TIAM1: variants seen among roughly 807,000 people sequenced by gnomAD.
TIAM1 encodes TIAM Rac1 associated GEF 1, also known as rho guanine nucleotide exchange factor TIAM1.
In TIAM1, 65 loss-of-function variants were observed where a neutral mutation model predicts 163.5. The observed-to-expected ratio is 0.40, with a 90% CI of 0.33 to 0.49. The LOEUF (loss-of-function observed/expected upper bound fraction) is 0.49, where lower values mean the gene tolerates loss of function less well. Ranked by LOEUF, TIAM1 falls within the 20% of genes least tolerant of loss-of-function variation. The pLI, the probability that TIAM1 is intolerant of heterozygous loss-of-function variation, is 0.77. For missense variants in TIAM1, 1,789 were observed against 2,044.7 expected, an observed-to-expected ratio of 0.87 and a Z score of 2.41; for synonymous variants, 833 against 810.1, an observed-to-expected ratio of 1.03 and a Z score of -0.48.
At chr21:31,368,974 T>A (rs1171228321) in intron 2 of TIAM1, among the ~76,000 whole-genome samples, 1 of 151,834 alleles carries the variant, frequency 6.6e-6, no homozygotes, top group Non-Finnish European at 1.5e-5. Context: ...GCGTGGTGGC[T>A]CACGCCTGTA....
chr21:31,370,082 C>T (rs2076570849), intron 2 of TIAM1, among the ~76,000 whole-genome samples: 1 of 152,184 alleles, frequency 6.6e-6, no homozygotes, highest in South Asian at 2.1e-4. Context: ...GAAGCAGGCC[C>T]TCACCAGGCA....
chr21:31,386,101 T>C (rs1298047170), intron 2 of TIAM1, among the ~76,000 whole-genome samples: 1 of 152,070 alleles, frequency 6.6e-6, no homozygotes, highest in Non-Finnish European at 1.5e-5. Context: ...TGGGGTATGC[T>C]ATGTGGAGGG....
rs1030775893 is a variant in TIAM1, at chr21:31,141,025, A to G, written c.3774+93T>C. 18 of 955,232 alleles carry G rather than the reference A, an allele frequency of 1.9e-5. No individual in the cohort carries two copies. In the Admixed American group the frequency reaches 4.6e-4, roughly 25 times the overall value. 59.2% of individuals were successfully genotyped at this position (955,232 alleles called of 1,614,324 possible). A position where few individuals can be genotyped will look rare whatever the true frequency, so the allele number is the denominator to read the frequency against. On this transcript the variant is annotated intron_variant, in intron 22 of 27. Coordinates refer to ENST00000541036, the MANE Select transcript of TIAM1 (RefSeq NM_001353694.2). This position sits in a 1 kb window ranked among gnomAD's most constrained non-coding sequence, Gnocchi z 4.7. The stretch of plus-strand genomic sequence containing the variant: ...ACAGCATCCTAACTATTTTACTTAC[A>G]AGTAACACCTTTTTAAAAAATAAAT...
At chr21:31,355,911 C>T (rs1052051326) in intron 2 of TIAM1, among the ~76,000 whole-genome samples, 3 of 152,134 alleles carry the variant, frequency 2.0e-5, no homozygotes, top group Non-Finnish European at 4.4e-5. Flanking sequence ...TTTCTTGTTT[C>T]TCTCCTCCAC....
intron 26 of TIAM1, 63 bp downstream of exon 26, chr21:31,127,002 C>T (rs1680847433): frequency 3.9e-6 from 6 of 1,531,154 alleles, no homozygotes; most frequent in Non-Finnish European, 5.4e-6. Context: ...CAACGTAAGA[C>T]ACCAAACCGT....
chr21:31,450,463 C>T (rs1445905344), intron 2 of TIAM1, among the ~76,000 whole-genome samples: 1 of 152,152 alleles, frequency 6.6e-6, no homozygotes, highest in African/African-American at 2.4e-5. Context: ...CAAGGCAGAA[C>T]AGGTGCTTTC....
intron 1 of TIAM1, among the ~76,000 whole-genome samples, chr21:31,537,156 T>A (rs1158289929): frequency 3.3e-5 from 5 of 152,196 alleles, no homozygotes; most frequent in African/African-American, 1.2e-4. Context: ...GGGTCCACTA[T>A]AATCCAGTAG....
chr21:31,245,373 A>T (rs11701273), intron 6 of TIAM1, 115 bp downstream of exon 6: 5,696 of 89,470 alleles, frequency 0.064, 113 homozygotes, highest in South Asian at 0.15. Flanking sequence ...TCTCACCACT[A>T]AAAAAAAAAA....
In TIAM1 at chr21:31,146,902, C is replaced by T. The variant is rs767161106; in HGVS notation, c.3468G>A (p.Leu1156=). The change falls in exon 20 of 28, where the codon CTG becomes CTA. Residue 1156 remains leucine (L), a synonymous_variant. Coordinates refer to ENST00000541036, the MANE Select transcript of TIAM1 (RefSeq NM_001353694.2). ...CASHTKVPKV[L]VKAKTDTAFK... ...CATCCTCAGAGGCCTTACCTTTCAC[C>T]AGGACCTTGGGAACTTTTGTGTGGC... 50 of 1,613,862 alleles carry T rather than the reference C, an allele frequency of 3.1e-5. 1 individual carries two copies. In the South Asian group the frequency reaches 5.3e-4, roughly 17 times the overall value.
At chr21:31,219,303 G>C (rs1019333151) in intron 8 of TIAM1, among the ~76,000 whole-genome samples, 1 of 152,032 alleles carries the variant, frequency 6.6e-6, no homozygotes, top group Admixed American at 6.5e-5. Context: ...CCACCCGCTC[G>C]CCTTTCAAAA....
chr21:31,245,866 C>A (rs1388955818), intron 5 of TIAM1, among the ~76,000 whole-genome samples: 1 of 152,184 alleles, frequency 6.6e-6, no homozygotes, highest in East Asian at 1.9e-4. Context: ...AGCTTCTCAG[C>A]CTGCCCGGGT....
chr21:31,524,484 C>T (rs1235836152), intron 1 of TIAM1, among the ~76,000 whole-genome samples: 5 of 152,182 alleles, frequency 3.3e-5, no homozygotes, highest in Non-Finnish European at 5.9e-5. Flanking sequence ...TTGGAGGGGA[C>T]ATCCAACTAT....
At chr21:31,295,979 A>G (rs994576547) in intron 2 of TIAM1, among the ~76,000 whole-genome samples, 2 of 152,034 alleles carry the variant, frequency 1.3e-5, no homozygotes, top group African/African-American at 4.8e-5. Context: ...TTGTATGTTT[A>G]CTAGAGACGG....
intron 1 of TIAM1, among the ~76,000 whole-genome samples, chr21:31,500,931 C>G (rs2046827173): frequency 6.6e-6 from 1 of 152,180 alleles, no homozygotes; most frequent in African/African-American, 2.4e-5. Context: ...CATCCTCCTC[C>G]CCTCTACAAA....
chr21:31,201,584 T>C (rs1394804556), intron 12 of TIAM1, among the ~76,000 whole-genome samples: 4 of 152,238 alleles, frequency 2.6e-5, no homozygotes, highest in African/African-American at 9.6e-5. Flanking sequence ...GGCAAGAGTT[T>C]CCTTAAATGT....
chr21:31,334,469 C>T (rs2256836), intron 2 of TIAM1, among the ~76,000 whole-genome samples: 16,577 of 152,100 alleles, frequency 0.11, 1,265 homozygotes, highest in East Asian at 0.44. Context: ...ATCAATGCTT[C>T]AGTCCTCATT....
chr21:31,217,847 A>T (rs936358957), intron 8 of TIAM1, 148 bp from the exon 9 acceptor site: 68 of 884,878 alleles, frequency 7.7e-5, no homozygotes, highest in Non-Finnish European at 1.1e-4. Context: ...TATTCAATCC[A>T]TGACCCAGAC....
At chr21:31,134,235 T>C (rs763629538) in intron 23 of TIAM1, among the ~76,000 whole-genome samples, 1 of 152,170 alleles carries the variant, frequency 6.6e-6, no homozygotes, top group Non-Finnish European at 1.5e-5. Context: ...CCTCTATGAC[T>C]GCTAGTCTGT....
chr21:31,246,634 T>C (rs966925736), intron 5 of TIAM1, among the ~76,000 whole-genome samples: 1 of 152,186 alleles, frequency 6.6e-6, no homozygotes, highest in African/African-American at 2.4e-5. Flanking sequence ...TCGGCTACAA[T>C]GGGAATCTGT....
Sources: allele counts gnomAD v4.1 joint callset (sites outside exome capture counted in the v4.1 genomes callset), GRCh38; gene constraint gnomAD v4.1.1; non-coding constraint Gnocchi (gnomAD v3.1); transcripts MANE v1.5; gene names NCBI Gene and HGNC (gene_info 2026-07-23, HGNC 2026-07-21).